The following PRKCB variants were observed in gnomAD, a reference collection of about 807,000 sequenced individuals.
PRKCB encodes protein kinase C beta type.
PRKCB carries 13 observed loss-of-function variants against 81.5 expected under a neutral mutation model. The observed-to-expected ratio is 0.16, with a 90% CI of 0.10 to 0.25. The LOEUF (loss-of-function observed/expected upper bound fraction) is 0.25. PRKCB is among the 10% of genes least tolerant of loss of function. PRKCB has a pLI of 1.00. For synonymous variants in PRKCB, 335 were observed against 321.4 expected (o/e 1.04, Z -0.45); for missense variants, 509 against 875.7 (o/e 0.58, Z 5.29).
At chr16:23,886,691 G>A (rs1317328563) in intron 2 of PRKCB, among the ~76,000 whole-genome samples, 1 of 152,158 alleles carries the variant, frequency 6.6e-6, no homozygotes, top group Non-Finnish European at 1.5e-5. Context: ...GGGATTACAG[G>A]CGTGAGCCAC....
intron 9 of PRKCB, among the ~76,000 whole-genome samples, chr16:24,129,501 T>C (rs981348279): frequency 6.0e-5 from 9 of 150,480 alleles, no homozygotes; most frequent in Admixed American, 4.7e-4. Context: ...TCTCTTTCTG[T>C]CCCTCTCTCA....
chr16:24,013,972 C>T lies in PRKCB; in HGVS notation c.289-18164C>T, dbSNP rs145987823. ...ATGGCCACCTGGCAGGCATTTGCTC[C>T]AGCAGCATCCTTTGCAGGAATGGGA... On this transcript the variant is annotated intron_variant, in intron 3 of 16. Transcript: ENST00000643927. Among the ~76,000 whole-genome samples the T allele has an allele frequency of 3.7e-3, 559 of 152,244 alleles. 1 individual carries two copies. The highest frequency in any genetic ancestry group is 5.5e-3 in the Non-Finnish European group (377 of 68,022).
chr16:24,077,921 T>C (rs1366440314), intron 5 of PRKCB, among the ~76,000 whole-genome samples: 1 of 152,196 alleles, frequency 6.6e-6, no homozygotes, highest in Non-Finnish European at 1.5e-5. Flanking sequence ...ATTGAAGATA[T>C]GAGAAAATAT....
chr16:23,915,277 A>G (rs1963721040), intron 2 of PRKCB, among the ~76,000 whole-genome samples: 1 of 152,150 alleles, frequency 6.6e-6, no homozygotes, highest in African/African-American at 2.4e-5. Context: ...GCTTCTGGCC[A>G]TGGCGATATT....
chr16:23,859,380 G>A (rs1962624376), intron 2 of PRKCB, among the ~76,000 whole-genome samples: 1 of 152,238 alleles, frequency 6.6e-6, no homozygotes, highest in Non-Finnish European at 1.5e-5. Flanking sequence ...GAAGAGAGTA[G>A]TGTAAAAGGA....
chr16:23,903,992 G>C (rs9806849), intron 2 of PRKCB, among the ~76,000 whole-genome samples: 2,212 of 152,220 alleles, frequency 0.015, 55 homozygotes, highest in African/African-American at 0.05. Context: ...AATATGTGTC[G>C]ACTAAATGAA....
Position 24,216,171 on chromosome 16 carries a change from T to C in PRKCB, c.*1355T>C. The C allele has an allele frequency of 2.0e-6, 2 of 985,444 alleles. No homozygotes were observed. Among genetic ancestry groups the C allele is most frequent in the South Asian group, 9.4e-5 (2 of 21,288 alleles). 61.0% of individuals were successfully genotyped at this position (985,444 alleles called of 1,614,324 possible). ...CGGAGGGGCGGGGGCTGTGGCCCATTCAGGGGCTGCTGGTGGGCTGTAGTG... is the reference window on the plus strand; with the variant it reads ...CGGAGGGGCGGGGGCTGTGGCCCATCCAGGGGCTGCTGGTGGGCTGTAGTG... On this transcript the variant is annotated 3_prime_UTR_variant, in exon 17 of 17. Transcript: ENST00000643927.
In PRKCB at chr16:24,185,087, G is replaced by T. The variant is rs764496584; in HGVS notation, c.1534-24G>T. On this transcript the variant is annotated intron_variant, in intron 13 of 16. Transcript: ENST00000643927. ...AGAAACATGAACTGCAAACCTCCCT[G>T]ATAGGGTGCCTTCTCTTTTCTAGAT... 6 of 1,607,014 alleles carry T rather than the reference G, an allele frequency of 3.7e-6. No homozygotes were observed. In the South Asian group the frequency reaches 6.6e-5, roughly 18 times the overall value.
intron 13 of PRKCB, among the ~76,000 whole-genome samples, chr16:24,183,076 G>A (rs1435040715): frequency 6.6e-6 from 1 of 151,964 alleles, no homozygotes; most frequent in East Asian, 1.9e-4. Flanking sequence ...TAGCCAGGAT[G>A]GTCGCGATCT....
chr16:24,208,485 C>A (rs1034136826), intron 16 of PRKCB: 1 of 152,220 alleles, frequency 6.6e-6, no homozygotes, highest in African/African-American at 2.4e-5. Flanking sequence ...AACAAATCAA[C>A]CTTCTTACTC....
chr16:24,030,629 A>T (rs1351315950), intron 3 of PRKCB, among the ~76,000 whole-genome samples: 1 of 151,678 alleles, frequency 6.6e-6, no homozygotes, highest in East Asian at 1.9e-4. Flanking sequence ...CTGGCATTCC[A>T]GCAATTTTGG....
chr16:23,950,132 ATT>A lies in PRKCB; in HGVS notation c.206-38351_206-38350del, dbSNP rs34117735. ...AGCAGCATTGGCCCCTATGATTTGA[ATT>A]TTTTTTTTTTTTTTTTTTTTTTTTC... On this transcript the variant is annotated intron_variant, in intron 2 of 16. Transcript: ENST00000643927. Among the ~76,000 whole-genome samples the A allele has an allele frequency of 1.2e-3, 122 of 97,768 alleles. 14 individuals carry two copies. The highest frequency in any genetic ancestry group is 4.8e-3 in the African/African-American group (116 of 24,116). 64.1% of individuals were successfully genotyped at this position (97,768 alleles called of 152,430 possible).
At chr16:23,996,142 G>T (rs1488681397) in intron 3 of PRKCB, among the ~76,000 whole-genome samples, 1 of 152,150 alleles carries the variant, frequency 6.6e-6, no homozygotes, top group Non-Finnish European at 1.5e-5. Context: ...TGGGGATGAG[G>T]TGTGTGGATA....
intron 2 of PRKCB, among the ~76,000 whole-genome samples, chr16:23,979,098 T>C (rs1336809771): frequency 1.3e-5 from 2 of 152,188 alleles, no homozygotes; most frequent in Non-Finnish European, 2.9e-5. Context: ...GCACTTCTTG[T>C]GTCCACACAC....
chr16:23,974,445 G>A (rs992259053), intron 2 of PRKCB, among the ~76,000 whole-genome samples: 7 of 152,174 alleles, frequency 4.6e-5, no homozygotes, highest in Non-Finnish European at 1.5e-5. Context: ...TCTAGGATAG[G>A]GAAGGGCTGG....
At chr16:23,887,524 G>T (rs1165567236) in intron 2 of PRKCB, among the ~76,000 whole-genome samples, 2 of 151,980 alleles carry the variant, frequency 1.3e-5, no homozygotes, top group South Asian at 2.1e-4. Context: ...CAAAGGACAT[G>T]ATTTCATTTT....
At chr16:24,191,817 C>T (rs1005525954) in intron 16 of PRKCB, among the ~76,000 whole-genome samples, 1 of 152,182 alleles carries the variant, frequency 6.6e-6, no homozygotes, top group Non-Finnish European at 1.5e-5. Context: ...ATGGCTTTGA[C>T]ATAAGTTTTA....
intron 16 of PRKCB, among the ~76,000 whole-genome samples, chr16:24,211,671 G>T (rs1334899785): frequency 3.3e-5 from 5 of 149,786 alleles, no homozygotes; most frequent in Non-Finnish European, 5.9e-5. Context: ...TGATTCTCCT[G>T]CCTCAGCCTC....
chr16:24,061,169 T>C (rs1211238543), intron 5 of PRKCB, among the ~76,000 whole-genome samples: 10 of 152,150 alleles, frequency 6.6e-5, no homozygotes, highest in Admixed American at 6.5e-4. Flanking sequence ...CAAGCAATTC[T>C]TATGCCTCAG....
Sources: gnomAD v4.1 joint callset for allele counts (sites outside exome capture counted in the v4.1 genomes callset) on GRCh38, gnomAD v4.1.1 for gene constraint, MANE v1.5 for transcripts, NCBI Gene and HGNC (gene_info 2026-07-23, HGNC 2026-07-21) for gene names.